Variants in CACNA2D1 observed in about 807,000 individuals in gnomAD.
CACNA2D1 encodes the protein calcium voltage-gated channel auxiliary subunit alpha2delta 1.
Under a neutral mutation model 171.5 loss-of-function variants are expected in CACNA2D1, and 53 were observed. The observed-to-expected ratio is 0.31, with a 90% CI of 0.25 to 0.39. The LOEUF (loss-of-function observed/expected upper bound fraction) is 0.39. Ranked by LOEUF, CACNA2D1 falls within the 10% of genes least tolerant of loss-of-function variation. The probability of loss-of-function intolerance (pLI) is 1.00; values close to 1 mark genes in which losing one functional copy is unlikely to be tolerated. For missense variants in CACNA2D1, 903 were observed against 1,299.8 expected (o/e 0.69, Z 4.69); for synonymous variants, 442 against 443.1 (o/e 1.00, Z 0.03).
At chr7:82,084,211 T>A (rs572240749) in intron 7 of CACNA2D1, among the ~76,000 whole-genome samples, 2 of 152,306 alleles carry the variant, frequency 1.3e-5, no homozygotes, top group African/African-American at 4.8e-5. Flanking sequence ...CACTTTAACA[T>A]AAAATATATT....
At chr7:82,433,863 T>C (rs796839499) in intron 1 of CACNA2D1, among the ~76,000 whole-genome samples, 11 of 152,362 alleles carry the variant, frequency 7.2e-5, no homozygotes, top group African/African-American at 2.6e-4. Flanking sequence ...TATGGTGAAC[T>C]AACCCAAGCT....
chr7:82,119,780 T>G (rs1789500412), intron 5 of CACNA2D1, among the ~76,000 whole-genome samples: 1 of 152,214 alleles, frequency 6.6e-6, no homozygotes, highest in African/African-American at 2.4e-5. Flanking sequence ...TATTTTTGTG[T>G]GCCACAAAGT....
At chr7:82,342,784 T>G (rs1283774254) in intron 2 of CACNA2D1, among the ~76,000 whole-genome samples, 1 of 152,056 alleles carries the variant, frequency 6.6e-6, no homozygotes, top group Non-Finnish European at 1.5e-5. Flanking sequence ...TCAGAATGGG[T>G]GTAATACAAG....
chr7:82,298,876 A>G (rs1293233102), intron 3 of CACNA2D1, among the ~76,000 whole-genome samples: 2 of 152,108 alleles, frequency 1.3e-5, no homozygotes, highest in African/African-American at 2.4e-5. Context: ...CAGCCTGGCC[A>G]ATATGGTGAA....
chr7:82,094,972 G>T (rs1239380223), intron 6 of CACNA2D1, among the ~76,000 whole-genome samples: 1 of 151,984 alleles, frequency 6.6e-6, no homozygotes, highest in Non-Finnish European at 1.5e-5. Flanking sequence ...CTTGGCAAAT[G>T]TCTTCCCTAA....
intron 1 of CACNA2D1, among the ~76,000 whole-genome samples, chr7:82,437,457 C>T (rs1005176030): frequency 1.3e-5 from 2 of 151,944 alleles, no homozygotes; most frequent in Admixed American, 6.6e-5. Flanking sequence ...ATTTATGATA[C>T]AGAATTTTAA....
chr7:82,308,936 T>C (rs1029356387), intron 3 of CACNA2D1, among the ~76,000 whole-genome samples: 5 of 152,194 alleles, frequency 3.3e-5, no homozygotes, highest in African/African-American at 7.2e-5. Context: ...GATCTGAAGA[T>C]TGATGGTCTA....
intron 3 of CACNA2D1, among the ~76,000 whole-genome samples, chr7:82,206,928 C>T (rs1252962827): frequency 6.6e-6 from 1 of 152,028 alleles, no homozygotes. Flanking sequence ...TAACATTAGA[C>T]TCATTTATAA....
intron 3 of CACNA2D1, among the ~76,000 whole-genome samples, chr7:82,229,772 C>T (rs1299293929): frequency 6.6e-6 from 1 of 151,578 alleles, no homozygotes. Flanking sequence ...TCAAGTATTC[C>T]TCCCTTCTTG....
intron 3 of CACNA2D1, among the ~76,000 whole-genome samples, chr7:82,219,304 C>T (rs902516256): frequency 6.6e-6 from 1 of 151,954 alleles, no homozygotes; most frequent in Non-Finnish European, 1.5e-5. Flanking sequence ...TAGCATACTG[C>T]ATAAAATTAT....
At chr7:82,412,502 C>A (rs936150283) in intron 1 of CACNA2D1, among the ~76,000 whole-genome samples, 1 of 151,848 alleles carries the variant, frequency 6.6e-6, no homozygotes, top group Non-Finnish European at 1.5e-5. Context: ...AGGCTGGTCT[C>A]GAACTCCTGA....
chr7:81,998,265 T>C (rs532305235), intron 18 of CACNA2D1, among the ~76,000 whole-genome samples: 4 of 152,146 alleles, frequency 2.6e-5, no homozygotes, highest in Non-Finnish European at 5.9e-5. Context: ...TTTTAATTTT[T>C]ATTAAAATAT....
chr7:82,019,737 A>C (rs1355557581), intron 12 of CACNA2D1, among the ~76,000 whole-genome samples: 2 of 152,192 alleles, frequency 1.3e-5, no homozygotes, highest in Admixed American at 6.6e-5. Context: ...TCACCTCAAC[A>C]ATTATCAGTT....
At chr7:81,968,269 C>A (rs1794913207) in intron 29 of CACNA2D1, among the ~76,000 whole-genome samples, 1 of 151,274 alleles carries the variant, frequency 6.6e-6, no homozygotes, top group African/African-American at 2.4e-5. Flanking sequence ...ATCATACAAT[C>A]AAAAAAACTA....
chr7:81,997,157 T>C (rs1381703456), intron 19 of CACNA2D1, 22 bp downstream of exon 19: 1 of 1,405,490 alleles, frequency 7.1e-7, no homozygotes, highest in Non-Finnish European at 1.0e-6. Flanking sequence ...AGGAATTGTT[T>C]AGTCTTACTG....
chr7:82,378,348 G>A (rs543768073), intron 1 of CACNA2D1, among the ~76,000 whole-genome samples: 2 of 152,286 alleles, frequency 1.3e-5, no homozygotes, highest in East Asian at 1.9e-4. Flanking sequence ...GCAGTGAACC[G>A]TGTTAGTGCC....
chr7:82,332,609 T>G (rs1484627074), intron 3 of CACNA2D1, among the ~76,000 whole-genome samples: 1 of 150,018 alleles, frequency 6.7e-6, no homozygotes, highest in Non-Finnish European at 1.5e-5. Context: ...TTATAAAAGA[T>G]AGTAAACAAA....
At chr7:82,440,979 C>A (rs559464310) in intron 1 of CACNA2D1, among the ~76,000 whole-genome samples, 43 of 149,788 alleles carry the variant, frequency 2.9e-4, no homozygotes, top group African/African-American at 9.5e-4. Flanking sequence ...AAAAAAAAAA[C>A]CCAAAAATAT....
At chr7:82,410,437 C>T in intron 1 of CACNA2D1, 1 of 799,362 alleles carries the variant, frequency 1.3e-6, no homozygotes, top group South Asian at 5.7e-5. Context: ...CAACATCTTT[C>T]ATTCTGATTG....
Sources: allele counts gnomAD v4.1 joint callset (sites outside exome capture counted in the v4.1 genomes callset), GRCh38; gene constraint gnomAD v4.1.1; transcripts MANE v1.5; gene names NCBI Gene and HGNC (gene_info 2026-07-23, HGNC 2026-07-21).